The following N4BP2L2 variants were observed in gnomAD, a reference collection of about 807,000 sequenced individuals.
The protein encoded by N4BP2L2 is NEDD4 binding protein 2 like 2.
A neutral mutation model predicts 56.2 loss-of-function variants in N4BP2L2; 50 were observed. The ratio of observed to expected loss-of-function variants is 0.89; its 90% CI spans 0.71 to 1.13. The LOEUF (loss-of-function observed/expected upper bound fraction) is 1.13. N4BP2L2 is among the 50% of genes most tolerant of loss of function. N4BP2L2 has a pLI of 0.00. For synonymous variants in N4BP2L2, 203 were observed against 223.6 expected (o/e 0.91, Z 0.82); for missense variants, 689 against 693.8 (o/e 0.99, Z 0.08).
At chr13:32,452,023 AAAAG>A (rs2078128399) in intron 6 of N4BP2L2, among the ~76,000 whole-genome samples, 1 of 152,102 alleles carries the variant, frequency 6.6e-6, no homozygotes, top group African/African-American at 2.4e-5. Flanking sequence ...GGAGAAAAGA[AAAAG>A]AAAGAATACC....
chr13:32,531,702 C>A (rs17077651), intron 2 of N4BP2L2, among the ~76,000 whole-genome samples: 1,752 of 152,266 alleles, frequency 0.012, 43 homozygotes, highest in African/African-American at 0.039. Context: ...AAAAAAAAGT[C>A]TCCTCCCATC....
At chr13:32,433,436 G>A (rs557444660) in intron 9 of N4BP2L2, among the ~76,000 whole-genome samples, 6 of 152,060 alleles carry the variant, frequency 3.9e-5, no homozygotes, top group South Asian at 2.1e-4. Context: ...TTCAAGACCA[G>A]CCTGGCCAAC....
At chr13:32,460,826 A>C (rs2079915677) in intron 6 of N4BP2L2, among the ~76,000 whole-genome samples, 1 of 152,132 alleles carries the variant, frequency 6.6e-6, no homozygotes, top group Non-Finnish European at 1.5e-5. Context: ...ACAAAAAATA[A>C]AAATAAAAAA....
At chr13:32,536,333 T>C in exon 2 of N4BP2L2, 1 of 1,614,062 alleles carries the variant, frequency 6.2e-7, no homozygotes. Context: ...ATAATCACAA[T>C]GTGATGGCAT....
intron 6 of N4BP2L2, among the ~76,000 whole-genome samples, chr13:32,461,424 C>T (rs986515206): frequency 5.9e-5 from 9 of 151,624 alleles, no homozygotes; most frequent in African/African-American, 1.2e-4. Context: ...AACCCAAACG[C>T]AAAACAAAGA....
At chr13:32,468,285 A>T (rs115940353) in intron 6 of N4BP2L2, among the ~76,000 whole-genome samples, 1 of 152,132 alleles carries the variant, frequency 6.6e-6, no homozygotes, top group Non-Finnish European at 1.5e-5. Context: ...AAAAAAAGAA[A>T]CTAAAATAAG....
chr13:32,469,380 C>T (rs756261692), intron 6 of N4BP2L2, among the ~76,000 whole-genome samples: 2 of 152,080 alleles, frequency 1.3e-5, no homozygotes, highest in African/African-American at 2.4e-5. Flanking sequence ...TGCACAGCAC[C>T]GAGAAAGTAC....
chr13:32,459,386 T>C (rs1321781772), intron 6 of N4BP2L2, among the ~76,000 whole-genome samples: 1 of 151,564 alleles, frequency 6.6e-6, no homozygotes, highest in Non-Finnish European at 1.5e-5. Flanking sequence ...AAACACTAGC[T>C]AAACTAACCA....
intron 6 of N4BP2L2, chr13:32,446,541 T>A (rs1041078197): frequency 2.3e-6 from 3 of 1,289,454 alleles, no homozygotes; most frequent in African/African-American, 1.5e-5. Flanking sequence ...TTCATTCGAT[T>A]AAATGGTAAA....
At chr13:32,471,485 G>A (rs1042119848) in intron 6 of N4BP2L2, among the ~76,000 whole-genome samples, 2 of 152,218 alleles carry the variant, frequency 1.3e-5, no homozygotes, top group Admixed American at 6.5e-5. Flanking sequence ...TGCTGTCACC[G>A]TGCACAGGGC....
chr13:32,455,944 T>C (rs1356473690), intron 6 of N4BP2L2, among the ~76,000 whole-genome samples: 1 of 152,206 alleles, frequency 6.6e-6, no homozygotes, highest in African/African-American at 2.4e-5. Flanking sequence ...CAGAGCCTGA[T>C]GGTTGTCCCA....
intron 4 of N4BP2L2, 108 bp downstream of exon 4, chr13:32,522,074 A>G: frequency 1.4e-6 from 1 of 728,004 alleles, no homozygotes; most frequent in African/African-American, 1.8e-5. Flanking sequence ...CTCTTTAGAA[A>G]ACAAAGGACA....
intron 6 of N4BP2L2, among the ~76,000 whole-genome samples, chr13:32,487,022 G>A (rs1483397178): frequency 2.0e-5 from 3 of 151,720 alleles, no homozygotes; most frequent in Non-Finnish European, 4.4e-5. Flanking sequence ...TAAATAAAAA[G>A]AAAGCAAGCA....
intron 6 of N4BP2L2, among the ~76,000 whole-genome samples, chr13:32,491,385 T>G (rs1056143997): frequency 6.6e-6 from 1 of 151,886 alleles, no homozygotes; most frequent in Non-Finnish European, 1.5e-5. Flanking sequence ...GGAAAATAAT[T>G]TATGTGGATG....
intron 6 of N4BP2L2, among the ~76,000 whole-genome samples, chr13:32,493,444 AAC>A (rs1327936533): frequency 6.6e-6 from 1 of 152,152 alleles, no homozygotes; most frequent in African/African-American, 2.4e-5. Flanking sequence ...CTGGTACACA[AAC>A]AGTTTTTCTT....
intron 6 of N4BP2L2, among the ~76,000 whole-genome samples, chr13:32,499,341 C>A (rs798265): frequency 6.6e-6 from 1 of 151,994 alleles, no homozygotes; most frequent in Admixed American, 6.5e-5. Context: ...TCATTTCATC[C>A]CTAGTAACTA....
At chr13:32,446,144 T>A (rs1337786374) in intron 6 of N4BP2L2, among the ~76,000 whole-genome samples, 1 of 152,226 alleles carries the variant, frequency 6.6e-6, no homozygotes, top group Admixed American at 6.5e-5. Context: ...TTATTCCATA[T>A]GCTGGGCAAT....
At chr13:32,452,213 C>A (rs1294703027) in intron 6 of N4BP2L2, among the ~76,000 whole-genome samples, 2 of 152,106 alleles carry the variant, frequency 1.3e-5, no homozygotes, top group Non-Finnish European at 2.9e-5. Flanking sequence ...AGGCCTGTGC[C>A]ACCACACCTG....
chr13:32,493,935 G>C (rs993044301), intron 6 of N4BP2L2, among the ~76,000 whole-genome samples: 1 of 152,174 alleles, frequency 6.6e-6, no homozygotes, highest in Non-Finnish European at 1.5e-5. Flanking sequence ...ACTGTAAGCG[G>C]TAAGTTATTT....
Sources: gnomAD v4.1 joint callset for allele counts (sites outside exome capture counted in the v4.1 genomes callset) on GRCh38, gnomAD v4.1.1 for gene constraint, MANE v1.5 for transcripts, NCBI Gene and HGNC (gene_info 2026-07-23, HGNC 2026-07-21) for gene names.